Variants in TMEM132D observed in about 807,000 individuals in gnomAD.
TMEM132D encodes mature OL transmembrane protein.
Under a neutral mutation model 62.3 loss-of-function variants are expected in TMEM132D, and 21 were observed. The ratio of observed to expected loss-of-function variants is 0.34; its 90% CI spans 0.24 to 0.49. The LOEUF (loss-of-function observed/expected upper bound fraction) is 0.49. Ranked by LOEUF, TMEM132D falls within the 20% of genes least tolerant of loss-of-function variation. The pLI is 0.99. For synonymous variants in TMEM132D, 621 were observed against 575.6 expected, an observed-to-expected ratio of 1.08 and a Z score of -1.13; for missense variants, 1,346 against 1,402.8, an observed-to-expected ratio of 0.96 and a Z score of 0.65.
intron 5 of TMEM132D, among the ~76,000 whole-genome samples, chr12:129,136,875 T>A (rs961852012): frequency 2.7e-5 from 4 of 148,562 alleles, no homozygotes; most frequent in African/African-American, 7.5e-5. Context: ...ACCACCATCA[T>A]TACTATCATC....
chr12:129,103,901 C>A (rs1425117306), intron 5 of TMEM132D, among the ~76,000 whole-genome samples: 1 of 152,170 alleles, frequency 6.6e-6, no homozygotes, highest in African/African-American at 2.4e-5. Flanking sequence ...AGGATACAAA[C>A]AAATGGAAGA....
At chr12:129,735,926 A>G (rs550474297) in intron 1 of TMEM132D, among the ~76,000 whole-genome samples, 2 of 152,280 alleles carry the variant, frequency 1.3e-5, no homozygotes, top group East Asian at 3.9e-4. Context: ...AGCACGAATG[A>G]GGGGCAGCAA....
At chr12:129,289,566 A>AG (rs1555244933) in intron 4 of TMEM132D, among the ~76,000 whole-genome samples, 5,563 of 143,992 alleles carry the variant, frequency 0.039, 121 homozygotes, top group South Asian at 0.055. Flanking sequence ...AAAAAAAAAG[A>AG]AAAAAAAGAA....
intron 3 of TMEM132D, among the ~76,000 whole-genome samples, chr12:129,524,109 A>G (rs962999180): frequency 6.6e-6 from 1 of 152,130 alleles, no homozygotes; most frequent in Non-Finnish European, 1.5e-5. Flanking sequence ...GAGGGATAGC[A>G]TTAGGAGATA....
chr12:129,368,157 C>A (rs1243653938), intron 3 of TMEM132D, among the ~76,000 whole-genome samples: 1 of 152,052 alleles, frequency 6.6e-6, no homozygotes, highest in East Asian at 1.9e-4. Context: ...AGTGACACTC[C>A]TGTTATCTGT....
intron 2 of TMEM132D, among the ~76,000 whole-genome samples, chr12:129,536,521 A>C (rs1381110946): frequency 1.3e-5 from 2 of 152,246 alleles, no homozygotes; most frequent in Non-Finnish European, 2.9e-5. Flanking sequence ...TTTCCACTAC[A>C]TCAACATGTT....
chr12:129,793,764 TACCCTTCTC>T (rs983601097), intron 1 of TMEM132D, among the ~76,000 whole-genome samples: 3 of 152,180 alleles, frequency 2.0e-5, no homozygotes, highest in Admixed American at 2.0e-4. Flanking sequence ...AATTTAGGAG[TACCCTTCTC>T]ACCCTTCTCC....
intron 2 of TMEM132D, among the ~76,000 whole-genome samples, chr12:129,569,803 T>A (rs1877461429): frequency 6.6e-6 from 1 of 152,146 alleles, no homozygotes; most frequent in Admixed American, 6.5e-5. Context: ...AAACAAAAGT[T>A]AAATTATCAC....
At chr12:129,589,393 A>T (rs1435211604) in intron 2 of TMEM132D, among the ~76,000 whole-genome samples, 1 of 152,108 alleles carries the variant, frequency 6.6e-6, no homozygotes, top group Non-Finnish European at 1.5e-5. Flanking sequence ...TTCTTTACAA[A>T]TTACCCAGTC....
At chr12:129,085,842 T>C (rs1874600407) in intron 5 of TMEM132D, 1 of 152,242 alleles carries the variant, frequency 6.6e-6, no homozygotes, top group South Asian at 2.1e-4. Flanking sequence ...TGTAAGGATT[T>C]TGTTCTCTTG....
At chr12:129,705,456 C>A (rs540368379) in intron 1 of TMEM132D, among the ~76,000 whole-genome samples, 2 of 152,212 alleles carry the variant, frequency 1.3e-5, no homozygotes, top group South Asian at 4.1e-4. Flanking sequence ...CATTTGCATC[C>A]ACTGTACAAA....
At chr12:129,289,697 A>G (rs1881400116) in intron 4 of TMEM132D, among the ~76,000 whole-genome samples, 1 of 152,238 alleles carries the variant, frequency 6.6e-6, no homozygotes, top group African/African-American at 2.4e-5. Context: ...GAGGGGTAAT[A>G]TGCTAATTGG....
rs763644523 is a variant in TMEM132D, at chr12:129,084,451, T to C, written c.1649+46A>G. 500 of 1,540,264 alleles carry C rather than the reference T, an allele frequency of 3.2e-4. 4 individuals are homozygous for C. Among genetic ancestry groups the C allele is most frequent in the Non-Finnish European group, 3.5e-4 (395 of 1,143,040 alleles). On this transcript the variant is annotated intron_variant, in intron 6 of 8. Transcript: ENST00000422113. ...AGTCATGCCCAAATTTACCACCCCG[T>C]ACACTTCCTCCTTAGCCTGCCATGG...
At chr12:129,644,917 C>T (rs551067327) in intron 2 of TMEM132D, among the ~76,000 whole-genome samples, 11 of 134,748 alleles carry the variant, frequency 8.2e-5, no homozygotes, top group African/African-American at 2.8e-4. Flanking sequence ...ACCCAGGAGG[C>T]GGAGCTTGCA....
At chr12:129,373,245 T>A (rs1167412401) in intron 3 of TMEM132D, among the ~76,000 whole-genome samples, 2 of 152,120 alleles carry the variant, frequency 1.3e-5, no homozygotes, top group African/African-American at 4.8e-5. Flanking sequence ...CCAACCCTCA[T>A]TCCAATAATA....
chr12:129,202,265 G>A (rs950724726), intron 5 of TMEM132D, among the ~76,000 whole-genome samples: 1 of 152,210 alleles, frequency 6.6e-6, no homozygotes, highest in African/African-American at 2.4e-5. Flanking sequence ...TGCACAGGTG[G>A]CTGTGACACA....
chr12:129,074,949 T>C lies in TMEM132D; in HGVS notation c.2226A>G (p.Val742=), dbSNP rs139851412. 1.9e-6 allele frequency: 3 copies of C among 1,613,948 alleles called. No individual in the cohort carries two copies. Among genetic ancestry groups the C allele is most frequent in the Admixed American group, 3.3e-5 (2 of 59,990 alleles). Residue 742 remains valine, a synonymous_variant, in exon 9 of 9, where the codon GTA becomes GTG. Transcript: ENST00000422113. ...ATTTGGGGTCTTGGTGGATGGAGACTACCTTCTCATCCAAAGATGTGGCCA... is the reference window on the plus strand; with the variant it reads ...ATTTGGGGTCTTGGTGGATGGAGACCACCTTCTCATCCAAAGATGTGGCCA... ...SLMATSLDEK[V]VSIHQDPKFK... is the part of the protein sequence containing the mutation.
chr12:129,665,414 A>C (rs1880352407), intron 2 of TMEM132D, among the ~76,000 whole-genome samples: 1 of 152,180 alleles, frequency 6.6e-6, no homozygotes, highest in South Asian at 2.1e-4. Flanking sequence ...ATGTGGGAGA[A>C]TAGCAGGAAA....
chr12:129,434,113 C>T (rs1319156397), intron 3 of TMEM132D, among the ~76,000 whole-genome samples: 2 of 152,088 alleles, frequency 1.3e-5, no homozygotes, highest in Non-Finnish European at 2.9e-5. Context: ...TTCTAGATCT[C>T]GTTTATAACA....
Sources: allele counts gnomAD v4.1 joint callset (sites outside exome capture counted in the v4.1 genomes callset), GRCh38; gene constraint gnomAD v4.1.1; transcripts MANE v1.5; gene names NCBI Gene and HGNC (gene_info 2026-07-23, HGNC 2026-07-21).